The following CSPG4 variants were observed in gnomAD, a reference collection of about 807,000 sequenced individuals.
CSPG4 encodes the protein chondroitin sulfate proteoglycan 4 (melanoma-associated).
In CSPG4, 74 loss-of-function variants were observed where a neutral mutation model predicts 139.3. That is an observed-to-expected ratio of 0.53 (90% CI 0.44 to 0.64). CSPG4 has a LOEUF of 0.64. Ranked by LOEUF, CSPG4 falls within the 30% of genes least tolerant of loss-of-function variation. The pLI is 0.00. For missense variants in CSPG4, 2,565 were observed against 3,148.3 expected (o/e 0.81, Z 4.43); for synonymous variants, 1,234 against 1,394.2 (o/e 0.89, Z 2.56).
chr15:75,711,033 G>A (rs1432151558), intron 1 of CSPG4, among the ~76,000 whole-genome samples: 3 of 152,224 alleles, frequency 2.0e-5, no homozygotes, highest in East Asian at 1.9e-4. Flanking sequence ...CTCGAAATAC[G>A]CCTCCCAGCC....
chr15:75,693,042 G>A lies in CSPG4; in HGVS notation c.252+28C>T, dbSNP rs751126082. On this transcript the variant is annotated intron_variant, in intron 2 of 9. Transcript: ENST00000308508. ...GAGAAGGAATCCCACCCCGAATCCC[G>A]CCCAGATCTCAGGGGGACGTCACTC... 2.0e-4 allele frequency: 228 copies of A among 1,168,246 alleles called. No individual in the cohort carries two copies. In the Middle Eastern group the frequency reaches 6.2e-3, roughly 32 times the overall value. The allele number at this position is 1,168,246 out of a possible 1,614,324, so 72.4% of individuals were successfully genotyped here. A position where few individuals can be genotyped will look rare whatever the true frequency, so the allele number is the denominator to read the frequency against.
intron 1 of CSPG4, among the ~76,000 whole-genome samples, chr15:75,711,132 C>T (rs1432723923): frequency 6.6e-6 from 1 of 151,836 alleles, no homozygotes; most frequent in African/African-American, 2.4e-5. Context: ...GGACTGACTC[C>T]CTTCCCATCC....
rs1893899291 is a variant in CSPG4 at position 75,676,765 on chromosome 15, C to T, written c.5754G>A (p.Gln1918=). The change falls in exon 10 of 10, where the codon CAG becomes CAA. Residue 1918 remains glutamine (Q), a synonymous_variant. Transcript: ENST00000308508. Reference sequence around the variant, plus strand: ...GGCTGGCCCCATCAGACATGCTCAGCTGGAAGATGCCTGCCACGCTGCTCC... The same window carrying T: ...GGCTGGCCCCATCAGACATGCTCAGTTGGAAGATGCCTGCCACGCTGCTCC... ...ANGSSVAGIF[Q]LSMSDGASPP... 3 of 1,551,348 alleles carry T rather than the reference C, an allele frequency of 1.9e-6. No individual in the cohort carries two copies. In the East Asian group the frequency reaches 6.8e-5, roughly 35 times the overall value.
chr15:75,678,684 C>T (rs1893926987), intron 8 of CSPG4: 2 of 456,224 alleles, frequency 4.4e-6, no homozygotes, highest in South Asian at 3.1e-5. Context: ...TCACATTTTC[C>T]ACCAGCTTCA....
Position 75,687,180 on chromosome 15 carries a change from C to G in CSPG4, c.3789+96G>C. Reference sequence around the variant, plus strand: ...GCACACATGTAACCTGGAGCCACCACAGCCACAGCCCAAGTCACGTGTGTT... The same window carrying G: ...GCACACATGTAACCTGGAGCCACCAGAGCCACAGCCCAAGTCACGTGTGTT... On this transcript the variant is annotated intron_variant, in intron 3 of 9. Coordinates refer to ENST00000308508, the MANE Select transcript of CSPG4 (RefSeq NM_001897.5). This position sits in a 1 kb window ranked among gnomAD's most constrained non-coding sequence, Gnocchi z 5.4. 6.9e-7 allele frequency: 1 copy of G among 1,458,918 alleles called. No homozygotes were observed. The highest frequency in any genetic ancestry group is 1.2e-5 in the South Asian group (1 of 85,826). The allele number at this position is 1,458,918 out of a possible 1,614,324, so 90.4% of individuals were successfully genotyped here. A position where few individuals can be genotyped will look rare whatever the true frequency, so the allele number is the denominator to read the frequency against.
chr15:75,690,814 TGAA>T lies in CSPG4; in HGVS notation c.253-5_253-3del. 1.9e-6 allele frequency: 3 copies of T among 1,600,356 alleles called. No homozygotes were observed. The highest frequency in any genetic ancestry group is 2.6e-6 in the Non-Finnish European group (3 of 1,171,428). On this transcript the variant is annotated splice_region_variant and splice_polypyrimidine_tract_variant and intron_variant, in intron 2 of 9. Transcript: ENST00000308508. Reference sequence around the variant, plus strand: ...CTCCTGGCCCAGAACAAGTCTGACCTGAAGAGAGATGGGGAGTGGGAGATAGTG... The same window carrying T: ...CTCCTGGCCCAGAACAAGTCTGACCTGAGAGATGGGGAGTGGGAGATAGTG...
chr15:75,681,845 C>G (rs1165336136), intron 8 of CSPG4, among the ~76,000 whole-genome samples: 1 of 152,220 alleles, frequency 6.6e-6, no homozygotes, highest in East Asian at 1.9e-4. Context: ...CACTCTGCCT[C>G]TGGCTGGCAC....
rs763126027 is a variant in CSPG4 at position 75,690,697 on chromosome 15, A to C, written c.368T>G (p.Leu123Trp). 2.5e-6 allele frequency: 4 copies of C among 1,612,942 alleles called. No homozygotes were observed. In the African/African-American group the frequency reaches 5.3e-5, roughly 22 times the overall value. The change falls in exon 3 of 10, where the codon TTG becomes TGG. Residue 123 changes from leucine to tryptophan, a missense_variant. Physicochemically the swap from Leu to Trp is moderately conservative, Grantham distance 61 (BLOSUM62 -2). This residue lies in a region of CSPG4 where 132 missense variants were observed against 132.3 expected (regional missense o/e 1.00). Transcript: ENST00000308508. ...VLTVVEGWAT[L>W]SVDGFLNASS... ...GGCGTTCAGAAACCCATCGACTGAC[A>C]ACGTGGCCCAGCCCTCTACGACAGT...
Position 75,687,919 on chromosome 15 carries a change from G to A in CSPG4, c.3146C>T (p.Ser1049Leu), listed in dbSNP as rs531178999. ...TDDVAFSDAD[S>L]GFADAQLVLT... is the part of the protein sequence containing the mutation. Reference sequence around the variant, plus strand: ...CACCAGCTGGGCGTCAGCAAAGCCCGAGTCAGCATCGCTGAAGGCCACGTC... The same window carrying A: ...CACCAGCTGGGCGTCAGCAAAGCCCAAGTCAGCATCGCTGAAGGCCACGTC... The change falls in exon 3 of 10, where the codon TCG becomes TTG. Residue 1049 changes from serine to leucine, a missense_variant. Around this residue, in one of 5 missense-constraint regions of CSPG4, gnomAD observed 2,316 missense variants for 2,818.2 expected, o/e 0.82. Coordinates refer to ENST00000308508, the MANE Select transcript of CSPG4 (RefSeq NM_001897.5). This position sits in a 1 kb window ranked among gnomAD's most constrained non-coding sequence, Gnocchi z 5.4. 19 of 1,612,930 alleles carry A rather than the reference G, an allele frequency of 1.2e-5. No homozygotes were observed. In the East Asian group the frequency reaches 2.5e-4, roughly 21 times the overall value.
In CSPG4 at chr15:75,685,485, C is replaced by T. The variant is rs1336346171; in HGVS notation, c.4006G>A (p.Val1336Met). The change falls in exon 4 of 10, where the codon GTG (valine) becomes ATG (methionine). Residue 1336 changes from valine to methionine, a missense_variant. Around this residue, in one of 5 missense-constraint regions of CSPG4, gnomAD observed 2,316 missense variants for 2,818.2 expected, o/e 0.82. Transcript: ENST00000308508. ...EAWSDAFSLDVASGLGAPLEG... is the reference protein window; with the variant it reads ...EAWSDAFSLDMASGLGAPLEG... Reference sequence around the variant, plus strand: ...AGGGGAGCACCCAGGCCTGAGGCCACATCCAGCGAGAAGGCATCGCTCCAG... The same window carrying T: ...AGGGGAGCACCCAGGCCTGAGGCCATATCCAGCGAGAAGGCATCGCTCCAG... The T allele has an allele frequency of 2.5e-6, 4 of 1,611,784 alleles. No homozygotes were observed. The highest frequency in any genetic ancestry group is 2.5e-6 in the Non-Finnish European group (3 of 1,179,834).
chr15:75,685,230 A>G lies in CSPG4; in HGVS notation c.4261T>C (p.Ser1421Pro), dbSNP rs748035626. 1 of 1,518,856 alleles carries G rather than the reference A, an allele frequency of 6.6e-7. No homozygotes were observed. The highest frequency in any genetic ancestry group is 8.8e-7 in the Non-Finnish European group (1 of 1,134,542). 94.1% of individuals were successfully genotyped at this position (1,518,856 alleles called of 1,614,324 possible). Reference protein sequence around the residue: ...GPQARTLSAFSWRMVEEQLIR... With the variant: ...GPQARTLSAFPWRMVEEQLIR... ...TCTCACAGCCATACCATTCTCCAGG[A>G]GAAGGCGCTGAGGGTCCTGGCTTGA... The change falls in exon 4 of 10, where the codon TCC (serine) becomes CCC (proline). Residue 1421 changes from serine to proline, a missense_variant. Transcript: ENST00000308508.
upstream of CSPG4, among the ~76,000 whole-genome samples, chr15:75,713,117 A>C (rs1428655580): frequency 6.6e-6 from 1 of 151,930 alleles, no homozygotes; most frequent in African/African-American, 2.4e-5. Context: ...AGCCCGGGAG[A>C]CCCCCTCAGG....
chr15:75,694,184 C>G (rs1426981377), intron 1 of CSPG4, among the ~76,000 whole-genome samples: 1 of 152,214 alleles, frequency 6.6e-6, no homozygotes, highest in Non-Finnish European at 1.5e-5. Context: ...GAGGGCCTCC[C>G]CAGGCAGAAG....
At chr15:75,692,432 G>A (rs888929773) in intron 2 of CSPG4, among the ~76,000 whole-genome samples, 32 of 152,144 alleles carry the variant, frequency 2.1e-4, no homozygotes, top group African/African-American at 7.2e-4. Flanking sequence ...GCACAAATTC[G>A]GAATAAGACC....
At chr15:75,705,552 A>T (rs1233004847) in intron 1 of CSPG4, among the ~76,000 whole-genome samples, 2 of 152,220 alleles carry the variant, frequency 1.3e-5, no homozygotes, top group Admixed American at 1.3e-4. Context: ...CCCATTTTAG[A>T]GAGGAGAAAA....
rs1894190249 is a variant in CSPG4, at chr15:75,693,358, T to C, written c.89-125A>G. On this transcript the variant is annotated intron_variant, in intron 1 of 9. Coordinates refer to ENST00000308508, the MANE Select transcript of CSPG4 (RefSeq NM_001897.5). ...CTGGCGCACCCTCATGGTTCTGCTGTATGGTGCTGCCTCTGAGCACTGCCC... is the reference window on the plus strand; with the variant it reads ...CTGGCGCACCCTCATGGTTCTGCTGCATGGTGCTGCCTCTGAGCACTGCCC... 4.2e-6 allele frequency: 4 copies of C among 955,022 alleles called. No homozygotes were observed. In the East Asian group the frequency reaches 8.0e-5, roughly 19 times the overall value. 59.2% of individuals were successfully genotyped at this position (955,022 alleles called of 1,614,324 possible). A position where few individuals can be genotyped will look rare whatever the true frequency, so the allele number is the denominator to read the frequency against.
At chr15:75,697,166 A>T (rs1202907669) in intron 1 of CSPG4, among the ~76,000 whole-genome samples, 1 of 152,292 alleles carries the variant, frequency 6.6e-6, no homozygotes, top group Admixed American at 6.5e-5. Flanking sequence ...CTGAGTCCTC[A>T]GAAGGCTGCC....
At chr15:75,693,267 G>C in intron 1 of CSPG4, 34 bp from the exon 2 acceptor site, 1 of 1,482,664 alleles carries the variant, frequency 6.7e-7, no homozygotes, top group Non-Finnish European at 9.0e-7. Flanking sequence ...TCAAGGCTCA[G>C]ACTCTTGCCT....
In CSPG4 at chr15:75,711,997, G is replaced by A. The variant is rs1249259359; in HGVS notation, c.88+671C>T. Among the ~76,000 whole-genome samples, 4 of 151,176 alleles carry A rather than the reference G, an allele frequency of 2.6e-5. No homozygotes were observed. In the South Asian group the frequency reaches 6.3e-4, roughly 24 times the overall value. The stretch of plus-strand genomic sequence containing the variant: ...TATCTGTAGGACAAGCCCCGCTGAG[G>A]GGCACCAGCTCTCCCTCTAGGAGGC... On this transcript the variant is annotated intron_variant, in intron 1 of 9. Transcript: ENST00000308508.
Sources: gnomAD v4.1 joint callset for allele counts (sites outside exome capture counted in the v4.1 genomes callset) on GRCh38, gnomAD v4.1.1 for gene constraint, gnomAD v4.1.1 regional missense constraint, Gnocchi (gnomAD v3.1) non-coding constraint, MANE v1.5 for transcripts, NCBI Gene and HGNC (gene_info 2026-07-23, HGNC 2026-07-21) for gene names.